The following FBXW11 variants were observed in gnomAD, a reference collection of about 807,000 sequenced individuals.
FBXW11 encodes F-box and WD repeat domain containing 11, also known as F-box/WD repeat-containing protein 11.
FBXW11 carries 19 observed loss-of-function variants against 77.6 expected under a neutral mutation model. The observed-to-expected ratio is 0.24, with a 90% CI of 0.17 to 0.36. The LOEUF is 0.36. FBXW11 is among the 10% of genes least tolerant of loss of function. The pLI is 1.00. For missense variants in FBXW11, 334 were observed against 704.2 expected, an observed-to-expected ratio of 0.47 and a Z score of 5.95; for synonymous variants, 235 against 249.4, an observed-to-expected ratio of 0.94 and a Z score of 0.54.
chr5:171,931,687 A>C (rs375307990), intron 2 of FBXW11, among the ~76,000 whole-genome samples: 1 of 152,178 alleles, frequency 6.6e-6, no homozygotes, highest in Admixed American at 6.5e-5. Context: ...AAAAATAAAA[A>C]TCTCTGAGAG....
chr5:171,994,090 T>A (rs1301808163), intron 1 of FBXW11, among the ~76,000 whole-genome samples: 1 of 152,220 alleles, frequency 6.6e-6, no homozygotes, highest in Non-Finnish European at 1.5e-5. Flanking sequence ...GTAAGAAATA[T>A]ATAAAACTGT....
chr5:171,916,381 T>G, intron 2 of FBXW11: 1 of 950,954 alleles, frequency 1.1e-6, no homozygotes, highest in Non-Finnish European at 1.3e-6. Flanking sequence ...CAGTAAAATC[T>G]TATAAACCCC....
intron 13 of FBXW11, among the ~76,000 whole-genome samples, chr5:171,867,317 A>T (rs1288124724): frequency 6.6e-6 from 1 of 152,250 alleles, no homozygotes; most frequent in Non-Finnish European, 1.5e-5. Context: ...AGGAATGAGC[A>T]TGGCTGTGTA....
chr5:171,900,971 A>G (rs969247463), intron 4 of FBXW11, among the ~76,000 whole-genome samples: 30 of 152,186 alleles, frequency 2.0e-4, no homozygotes, highest in African/African-American at 7.0e-4. Flanking sequence ...TATGTCTTCT[A>G]CAGTTGCAAG....
chr5:171,902,606 A>C (rs1322120477), intron 4 of FBXW11, among the ~76,000 whole-genome samples: 1 of 152,210 alleles, frequency 6.6e-6, no homozygotes, highest in East Asian at 1.9e-4. Context: ...CCAGTTCTTA[A>C]AACCAGGAAG....
At chr5:171,943,943 C>T (rs548866371) in intron 2 of FBXW11, among the ~76,000 whole-genome samples, 1 of 152,126 alleles carries the variant, frequency 6.6e-6, no homozygotes, top group South Asian at 2.1e-4. Context: ...GTAAACACTC[C>T]GGGAAACAAT....
At chr5:171,939,361 C>T (rs1762630842) in intron 2 of FBXW11, among the ~76,000 whole-genome samples, 1 of 152,062 alleles carries the variant, frequency 6.6e-6, no homozygotes, top group Non-Finnish European at 1.5e-5. Flanking sequence ...GACTCTTGAA[C>T]TCAGTAATGG....
intron 1 of FBXW11, among the ~76,000 whole-genome samples, chr5:171,995,596 A>G (rs1196257584): frequency 6.6e-6 from 1 of 152,026 alleles, no homozygotes; most frequent in Non-Finnish European, 1.5e-5. Flanking sequence ...TACTAAAAAT[A>G]CAAAAAAATT....
At chr5:171,917,124 T>C (rs927969612) in intron 2 of FBXW11, among the ~76,000 whole-genome samples, 47 of 152,198 alleles carry the variant, frequency 3.1e-4, no homozygotes, top group African/African-American at 1.0e-3. Context: ...TTTCACCATG[T>C]TGGCCAGGAT....
At chr5:171,945,038 C>T (rs1762935901) in intron 2 of FBXW11, among the ~76,000 whole-genome samples, 1 of 152,170 alleles carries the variant, frequency 6.6e-6, no homozygotes, top group South Asian at 2.1e-4. Context: ...GAAGACATGA[C>T]CCGTTTTCTC....
At chr5:171,952,422 C>CATAT (rs1198809796) in intron 2 of FBXW11, among the ~76,000 whole-genome samples, 25 of 14,626 alleles carry the variant, frequency 1.7e-3, no homozygotes, top group Admixed American at 3.6e-3. Flanking sequence ...TGTGTACATA[C>CATAT]ATATATATAT....
At chr5:171,872,777 T>A in intron 10 of FBXW11, 95 bp downstream of exon 10, 1 of 874,184 alleles carries the variant, frequency 1.1e-6, no homozygotes, top group Non-Finnish European at 1.9e-6. Context: ...AAACATCCCA[T>A]TTACCCTGAG....
intron 1 of FBXW11, among the ~76,000 whole-genome samples, chr5:171,977,484 C>G (rs1245771156): frequency 6.6e-6 from 1 of 152,042 alleles, no homozygotes; most frequent in Non-Finnish European, 1.5e-5. Context: ...CAGATATGAT[C>G]CTCGCCCCCA....
At chr5:171,878,172 A>G (rs776633373) in intron 7 of FBXW11, 43 bp from the exon 8 acceptor site, 8 of 1,371,336 alleles carry the variant, frequency 5.8e-6, no homozygotes, top group Non-Finnish European at 8.3e-6. Context: ...TAATTATACT[A>G]TATTTTGATG....
chr5:171,925,711 T>C (rs1370453336), intron 2 of FBXW11, among the ~76,000 whole-genome samples: 1 of 152,186 alleles, frequency 6.6e-6, no homozygotes, highest in East Asian at 1.9e-4. Context: ...GGTTTTTTAA[T>C]GGTATTTACT....
chr5:172,003,234 T>G (rs1015126578), intron 1 of FBXW11: 1 of 152,228 alleles, frequency 6.6e-6, no homozygotes, highest in Non-Finnish European at 1.5e-5. Flanking sequence ...CAATTTCTGC[T>G]GGCTTCTTAC....
chr5:171,954,550 A>G (rs562039483), intron 2 of FBXW11, among the ~76,000 whole-genome samples: 4 of 152,358 alleles, frequency 2.6e-5, no homozygotes, highest in South Asian at 2.1e-4. Context: ...ATTATTTGCT[A>G]TAACAATCAA....
At chr5:171,957,137 T>C (rs1054500340) in intron 2 of FBXW11, among the ~76,000 whole-genome samples, 4 of 152,216 alleles carry the variant, frequency 2.6e-5, no homozygotes, top group Admixed American at 1.3e-4. Flanking sequence ...TTTGAGGCTT[T>C]ATGCCAGTAG....
intron 1 of FBXW11, among the ~76,000 whole-genome samples, chr5:172,004,928 T>C (rs1380420345): frequency 2.0e-5 from 3 of 152,094 alleles, no homozygotes; most frequent in African/African-American, 7.2e-5. Flanking sequence ...TTTCTTTTTT[T>C]CCCTCCTAGT....
Sources: gnomAD v4.1 joint callset for allele counts (sites outside exome capture counted in the v4.1 genomes callset) on GRCh38, gnomAD v4.1.1 for gene constraint, MANE v1.5 for transcripts, NCBI Gene and HGNC (gene_info 2026-07-23, HGNC 2026-07-21) for gene names.